ERICH1: variants seen among roughly 807,000 people sequenced by gnomAD.
ERICH1 encodes the protein glutamate-rich protein 1.
Under a neutral mutation model 39.6 loss-of-function variants are expected in ERICH1, and 56 were observed. The observed-to-expected ratio is 1.41, with a 90% CI of 1.14 to 1.77. ERICH1 has a LOEUF of 1.77. Among genes scored for constraint, ERICH1 ranks in the 40% most tolerant of loss-of-function variants. The pLI is 0.00. For missense variants in ERICH1, 826 were observed against 575.4 expected (o/e 1.44, Z -4.45); for synonymous variants, 313 against 223.6 (o/e 1.40, Z -3.57).
At chr8:664,136 A>C, downstream of ERICH1, 2 of 640,028 alleles carry the variant, frequency 3.1e-6, no homozygotes, top group Non-Finnish European at 3.9e-6. Context: ...CGAAACAGGA[A>C]AAACAGGTAC....
At chr8:659,071 C>A (rs1209103821) in intron 3 of ERICH1, among the ~76,000 whole-genome samples, 1 of 53,624 alleles carries the variant, frequency 1.9e-5, no homozygotes, top group African/African-American at 8.6e-5. Flanking sequence ...GAGGGGGTGA[C>A]GATCGAGATC....
chr8:717,920 G>T (rs547786482), intron 1 of ERICH1, among the ~76,000 whole-genome samples: 4 of 152,254 alleles, frequency 2.6e-5, no homozygotes, highest in Non-Finnish European at 4.4e-5. Context: ...AACAGCCACC[G>T]CCAGGAGACG....
intron 2 of ERICH1, among the ~76,000 whole-genome samples, chr8:695,455 G>A (rs1410389312): frequency 6.6e-6 from 1 of 152,008 alleles, no homozygotes; most frequent in Non-Finnish European, 1.5e-5. Flanking sequence ...AGCCATCCCT[G>A]CCTCTGAGAG....
chr8:713,933 C>T (rs1198982804), intron 2 of ERICH1, among the ~76,000 whole-genome samples: 3 of 152,058 alleles, frequency 2.0e-5, no homozygotes, highest in Non-Finnish European at 4.4e-5. Context: ...CGAATGGACC[C>T]GCCCACATGT....
At chr8:668,546 C>A (rs563131911) in intron 5 of ERICH1, 52 bp downstream of exon 5, 3 of 1,607,022 alleles carry the variant, frequency 1.9e-6, no homozygotes, top group African/African-American at 2.7e-5. Context: ...CAGAGGCAAA[C>A]CTCGATGAGA....
intron 2 of ERICH1, among the ~76,000 whole-genome samples, chr8:698,289 G>A (rs1347000884): frequency 1.3e-5 from 2 of 149,620 alleles, no homozygotes; most frequent in African/African-American, 2.5e-5. Flanking sequence ...CTCGATCTCC[G>A]CTCACTGCAA....
chr8:685,237 G>A (rs562018530), intron 3 of ERICH1, among the ~76,000 whole-genome samples: 4 of 152,254 alleles, frequency 2.6e-5, no homozygotes, highest in Middle Eastern at 3.4e-3. Flanking sequence ...ATAATTCAGC[G>A]ATATTTCTCT....
intron 1 of ERICH1, 117 bp from the exon 2 acceptor site, chr8:716,124 G>T (rs1333382083): frequency 2.3e-6 from 3 of 1,285,954 alleles, no homozygotes; most frequent in African/African-American, 3.0e-5. Context: ...CACCAACGGA[G>T]ACCCAAGTCC....
Position 664,562 on chromosome 8 carries a change from T to G in ERICH1, c.*41A>C, listed in dbSNP as rs1801900484. Reference sequence around the variant, plus strand: ...CCATCTCACATTTGTCTTTTAAGTTTTTTTGTTAAAGAGGAGCTGTTCTTA... The same window carrying G: ...CCATCTCACATTTGTCTTTTAAGTTGTTTTGTTAAAGAGGAGCTGTTCTTA... On this transcript the variant is annotated 3_prime_UTR_variant, in exon 6 of 6. Coordinates refer to ENST00000262109, the MANE Select transcript of ERICH1 (RefSeq NM_207332.3). The G allele has an allele frequency of 6.3e-7, 1 of 1,576,252 alleles. No individual in the cohort carries two copies. The highest frequency in any genetic ancestry group is 1.4e-5 in the African/African-American group (1 of 73,400).
At chr8:690,112 T>A (rs1029516859) in intron 3 of ERICH1, among the ~76,000 whole-genome samples, 2 of 152,136 alleles carry the variant, frequency 1.3e-5, no homozygotes, top group Non-Finnish European at 2.9e-5. Context: ...TACGTGCATG[T>A]TTCTGTCTAG....
chr8:695,439 G>A (rs527961971), intron 2 of ERICH1, among the ~76,000 whole-genome samples: 5 of 152,146 alleles, frequency 3.3e-5, no homozygotes, highest in Admixed American at 2.6e-4. Flanking sequence ...TCACCTGGCA[G>A]AGGCCAGCCA....
chr8:731,145 T>C lies in ERICH1; in HGVS notation c.17A>G (p.Lys6Arg). MAAHR[K>R]HVFVEKVLQR... ...TCCGCACCGCACCCACCTACCGTGC[T>C]TCCTGTGCGCCGCCATGCGGGACCC... The change falls in exon 1 of 6, where the codon AAG (lysine) becomes AGG (arginine). Residue 6 changes from lysine (K) to arginine (R), a missense_variant. By Grantham distance (26) the Lys-to-Arg change is conservative. Transcript: ENST00000262109. 2.6e-6 allele frequency: 4 copies of C among 1,521,578 alleles called. No individual in the cohort carries two copies. In the Admixed American group the frequency reaches 6.0e-5, roughly 23 times the overall value. The allele number at this position is 1,521,578 out of a possible 1,614,324, so 94.3% of individuals were successfully genotyped here.
rs1389755020 is a variant in ERICH1, at chr8:692,552, C to T, written c.230G>A (p.Gly77Asp). 12 of 1,613,352 alleles carry T rather than the reference C, an allele frequency of 7.4e-6. No homozygotes were observed. Among genetic ancestry groups the T allele is most frequent in the South Asian group, 1.1e-5 (1 of 91,052 alleles). Residue 77 changes from glycine (G) to aspartate (D), a missense_variant, in exon 3 of 6, where the codon GGC (glycine) becomes GAC (aspartate). By Grantham distance (94) the Gly-to-Asp change is moderately conservative. Coordinates refer to ENST00000262109, the MANE Select transcript of ERICH1 (RefSeq NM_207332.3). ...RLYTASGPPEGYVPCWPEPSS... is the reference protein window; with the variant it reads ...RLYTASGPPEDYVPCWPEPSS... Reference sequence around the variant, plus strand: ...GGGCTCCGGCCAACAGGGGACGTAGCCCTCAGGAGGCCCGCTGGCAGTGTA... The same window carrying T: ...GGGCTCCGGCCAACAGGGGACGTAGTCCTCAGGAGGCCCGCTGGCAGTGTA...
intron 2 of ERICH1, among the ~76,000 whole-genome samples, chr8:697,944 G>A (rs1401932799): frequency 1.3e-5 from 2 of 152,038 alleles, no homozygotes; most frequent in Non-Finnish European, 2.9e-5. Context: ...GCTGCCTGAT[G>A]GGCTGCAAGG....
chr8:680,417 T>G (rs1396838226), intron 3 of ERICH1, among the ~76,000 whole-genome samples: 1 of 136,798 alleles, frequency 7.3e-6, no homozygotes, highest in South Asian at 2.5e-4. Context: ...AGAGAATCCA[T>G]AGCTGCCACC....
chr8:664,449 A>C lies in ERICH1; in HGVS notation c.*154T>G, dbSNP rs1237549943. The C allele has an allele frequency of 1.6e-6, 2 of 1,269,106 alleles. No individual in the cohort carries two copies. The highest frequency in any genetic ancestry group is 2.0e-6 in the Non-Finnish European group (2 of 1,005,878). The allele number at this position is 1,269,106 out of a possible 1,614,324, so 78.6% of individuals were successfully genotyped here. ...ACCCCAATTTCTCATCTGAAGCCTC[A>C]GATGGCATCTTGCCCACCAGGAACA... On this transcript the variant is annotated 3_prime_UTR_variant, in exon 6 of 6. Transcript: ENST00000262109.
intron 3 of ERICH1, among the ~76,000 whole-genome samples, chr8:617,226 G>A (rs529663844): frequency 5.3e-5 from 8 of 152,246 alleles, no homozygotes; most frequent in Non-Finnish European, 7.4e-5. Flanking sequence ...AAGGGCTTCC[G>A]TAAAAAGTGG....
chr8:658,123 G>A (rs538615512), intron 3 of ERICH1, among the ~76,000 whole-genome samples: 3 of 152,326 alleles, frequency 2.0e-5, no homozygotes, highest in African/African-American at 4.8e-5. Flanking sequence ...AGTGGCCTCT[G>A]GCTGGGCCCC....
At chr8:699,928 G>GGCGCACAGACCCGCACAC (rs1563296339) in intron 2 of ERICH1, among the ~76,000 whole-genome samples, 2 of 67,704 alleles carry the variant, frequency 3.0e-5, no homozygotes, top group African/African-American at 5.3e-5. Flanking sequence ...GGCCCGCACA[G>GGCGCACAGACCCGCACAC]GCGCACAGAC....
Sources: gnomAD v4.1 joint callset for allele counts (sites outside exome capture counted in the v4.1 genomes callset) on GRCh38, gnomAD v4.1.1 for gene constraint, MANE v1.5 for transcripts, NCBI Gene and HGNC (gene_info 2026-07-23, HGNC 2026-07-21) for gene names.